Variants in PANK2 observed in about 807,000 individuals in gnomAD.
The protein encoded by PANK2 is pantothenate kinase 2, mitochondrial.
PANK2 carries 36 observed loss-of-function variants against 43.1 expected under a neutral mutation model. The observed-to-expected ratio is 0.84, with a 90% CI of 0.64 to 1.10. The LOEUF (loss-of-function observed/expected upper bound fraction) is 1.10. Ranked by LOEUF, PANK2 falls within the 50% of genes least tolerant of loss-of-function variation. The pLI is 0.00. For synonymous variants in PANK2, 281 were observed against 238.2 expected, an observed-to-expected ratio of 1.18 and a Z score of -1.66; for missense variants, 576 against 593.3, an observed-to-expected ratio of 0.97 and a Z score of 0.30.
At chr20:3,905,254 T>A (rs1415913470) in intron 1 of PANK2, among the ~76,000 whole-genome samples, 1 of 152,068 alleles carries the variant, frequency 6.6e-6, no homozygotes, top group East Asian at 1.9e-4. Flanking sequence ...GTTCTCTCTC[T>A]CACCTTCATA....
At position 3,914,040 on chromosome 20, in the gene PANK2, T is replaced by C. The variant is rs187495559; in HGVS notation, c.1082+1406T>C. Reference sequence around the variant, plus strand: ...TGCTGACCTCATGATCCGCCCGCCTTGGCCTCCCAAAGTGCTGGGATTACA... The same window carrying C: ...TGCTGACCTCATGATCCGCCCGCCTCGGCCTCCCAAAGTGCTGGGATTACA... On this transcript the variant is annotated intron_variant, in intron 4 of 6. Coordinates refer to ENST00000610179, the MANE Select transcript of PANK2 (RefSeq NM_001386393.1). Among the ~76,000 whole-genome samples, 784 of 150,512 alleles carry C rather than the reference T, an allele frequency of 5.2e-3. 5 individuals are homozygous for C. Among genetic ancestry groups the C allele is most frequent in the African/African-American group, 0.015 (612 of 41,034 alleles).
rs1392733388 is a variant in PANK2, at chr20:3,903,060, CCCT to C, written c.299-4859_299-4857del. Among the ~76,000 whole-genome samples, 18 of 151,420 alleles carry C rather than the reference CCCT, an allele frequency of 1.2e-4. No homozygotes were observed. The East Asian group carries it at 3.3e-3, about 28-fold the overall frequency. On this transcript the variant is annotated intron_variant, in intron 1 of 6. Coordinates refer to ENST00000610179, the MANE Select transcript of PANK2 (RefSeq NM_001386393.1). ...CAAGAGTTGGGTTACCAGAGTTTTTCCCTCCTCCTGTGCAGTCCAACCCCAGCT... is the reference window on the plus strand; with the variant it reads ...CAAGAGTTGGGTTACCAGAGTTTTTCCCTCCTGTGCAGTCCAACCCCAGCT...
intron 1 of PANK2, among the ~76,000 whole-genome samples, chr20:3,906,349 A>G (rs1187926895): frequency 6.6e-6 from 1 of 152,122 alleles, no homozygotes; most frequent in African/African-American, 2.4e-5. Context: ...ACTTGAGCCC[A>G]GGAGGCAGAG....
chr20:3,913,780 A>G (rs1375006684), intron 4 of PANK2, among the ~76,000 whole-genome samples: 1 of 134,140 alleles, frequency 7.5e-6, no homozygotes, highest in Non-Finnish European at 1.6e-5. Flanking sequence ...ACACACATAT[A>G]TATATATATA....
chr20:3,912,149 G>A (rs1186028456), intron 3 of PANK2, among the ~76,000 whole-genome samples: 2 of 152,170 alleles, frequency 1.3e-5, no homozygotes, highest in Non-Finnish European at 2.9e-5. Context: ...AAGGGAAAGG[G>A]AGGAGGTGTT....
At chr20:3,918,452 A>C (rs941099850) in intron 5 of PANK2, among the ~76,000 whole-genome samples, 1 of 151,754 alleles carries the variant, frequency 6.6e-6, no homozygotes, top group Non-Finnish European at 1.5e-5. Context: ...TGTTTTTCCT[A>C]ATCTGTTTTC....
chr20:3,900,760 T>C (rs1391554961), intron 1 of PANK2, among the ~76,000 whole-genome samples: 3 of 151,952 alleles, frequency 2.0e-5, no homozygotes, highest in Non-Finnish European at 4.4e-5. Context: ...ATTTATTTAT[T>C]TATTAAATTA....
Position 3,912,574 on chromosome 20 carries a change from G to A in PANK2, c.1022G>A (p.Arg341Gln), listed in dbSNP as rs2090484714. 1 of 1,614,104 alleles carries A rather than the reference G, an allele frequency of 6.2e-7. No individual in the cohort carries two copies. The highest frequency in any genetic ancestry group is 8.5e-7 in the Non-Finnish European group (1 of 1,180,016). The change falls in exon 4 of 7, where the codon CGA becomes CAA. Residue 341 changes from arginine to glutamine, a missense_variant. Physicochemically the swap from Arg to Gln is conservative, Grantham distance 43. Transcript: ENST00000610179. ...AGCACCAAAGTGGATAAACTAGTACGAGATATTTATGGAGGGGACTATGAG... is the reference window on the plus strand; with the variant it reads ...AGCACCAAAGTGGATAAACTAGTACAAGATATTTATGGAGGGGACTATGAG...
chr20:3,909,496 G>A (rs1568571304), intron 2 of PANK2, among the ~76,000 whole-genome samples: 1 of 152,202 alleles, frequency 6.6e-6, no homozygotes, highest in African/African-American at 2.4e-5. Context: ...CTCCCAAAGT[G>A]TTGGAATTAC....
At chr20:3,917,576 T>C (rs753049226) in intron 5 of PANK2, 4 of 519,114 alleles carry the variant, frequency 7.7e-6, no homozygotes, top group South Asian at 5.6e-5. Flanking sequence ...GAACCAAGAA[T>C]GGGCTGCCCT....
intron 1 of PANK2, among the ~76,000 whole-genome samples, chr20:3,893,720 C>G (rs886901068): frequency 9.2e-5 from 14 of 152,070 alleles, no homozygotes; most frequent in African/African-American, 2.9e-4. Flanking sequence ...GAAAATGGAT[C>G]ATTTTTTCTT....
At position 3,928,834 on chromosome 20, in the gene PANK2, T is replaced by C. The variant is rs1005969700; in HGVS notation, c.*5540T>C. 6.6e-6 allele frequency: 1 copy of C among 150,458 alleles called. No homozygotes were observed. Among genetic ancestry groups the C allele is most frequent in the Non-Finnish European group, 1.5e-5 (1 of 67,652 alleles). 9.3% of individuals were successfully genotyped at this position (150,458 alleles called of 1,614,324 possible). On this transcript the variant is annotated 3_prime_UTR_variant, in exon 7 of 7. Coordinates refer to ENST00000610179, the MANE Select transcript of PANK2 (RefSeq NM_001386393.1). ...AAAACAAGGCATAAAGGGAAAATTC[T>C]GTAGGAAGCATTTTCTTTTCTTGTG...
chr20:3,910,294 G>C (rs62210556), intron 2 of PANK2, among the ~76,000 whole-genome samples: 4 of 106,358 alleles, frequency 3.8e-5, no homozygotes, highest in African/African-American at 1.2e-4. Context: ...TAAATGCTGT[G>C]GTTTTTTTTT....
intron 2 of PANK2, among the ~76,000 whole-genome samples, chr20:3,909,613 G>A (rs772535763): frequency 1.9e-4 from 29 of 152,000 alleles, no homozygotes; most frequent in African/African-American, 6.0e-4. Context: ...GTTTTGAGAC[G>A]GAGTCTCGCC....
chr20:3,918,567 A>G (rs529280176), intron 5 of PANK2, 104 bp from the exon 6 acceptor site: 1 of 1,511,118 alleles, frequency 6.6e-7, no homozygotes, highest in Non-Finnish European at 9.2e-7. Context: ...ATCAGCAGTC[A>G]AATTGTTGCT....
chr20:3,907,606 T>C (rs1332161951), intron 1 of PANK2, among the ~76,000 whole-genome samples: 5 of 152,216 alleles, frequency 3.3e-5, no homozygotes, highest in African/African-American at 1.2e-4. Context: ...ATTCTGAATC[T>C]TTGTTTTTCA....
chr20:3,897,510 G>C (rs907457668), intron 1 of PANK2, among the ~76,000 whole-genome samples: 2 of 151,980 alleles, frequency 1.3e-5, no homozygotes, highest in Admixed American at 1.3e-4. Flanking sequence ...AGACCAGTCC[G>C]GGCAACATGG....
At chr20:3,917,179 G>GT (rs2090575030) in intron 5 of PANK2, 129 bp downstream of exon 5, 6 of 1,109,256 alleles carry the variant, frequency 5.4e-6, no homozygotes, top group Admixed American at 4.0e-5. Context: ...TTAGCACGAA[G>GT]TTAAAACTCT....
At chr20:3,889,853 T>C (rs2090088586) in intron 1 of PANK2, 125 bp downstream of exon 1, 2 of 1,532,306 alleles carry the variant, frequency 1.3e-6, no homozygotes, top group South Asian at 1.2e-5. Context: ...TGGTCCCTCG[T>C]TGGTGCGTGG....
Sources: allele counts gnomAD v4.1 joint callset (sites outside exome capture counted in the v4.1 genomes callset), GRCh38; gene constraint gnomAD v4.1.1; transcripts MANE v1.5; gene names NCBI Gene and HGNC (gene_info 2026-07-23, HGNC 2026-07-21).